The following NAV3 variants were observed in gnomAD, a reference collection of about 807,000 sequenced individuals.
NAV3 encodes pore membrane and/or filament interacting like protein 1.
NAV3 carries 87 observed loss-of-function variants against 244.7 expected under a neutral mutation model. The ratio of observed to expected loss-of-function variants is 0.36; its 90% CI spans 0.30 to 0.42. The LOEUF is 0.42. NAV3 is among the 20% of genes least tolerant of loss of function. NAV3 has a pLI of 1.00. For synonymous variants in NAV3, 1,126 were observed against 1,042.2 expected (o/e 1.08, Z -1.55); for missense variants, 2,663 against 2,893.3 (o/e 0.92, Z 1.83).
intron 9 of NAV3, chr12:78,036,601 G>A (rs1879925839): frequency 3.2e-6 from 1 of 309,462 alleles, no homozygotes; most frequent in African/African-American, 2.1e-5. Flanking sequence ...TCAGCTGGAG[G>A]AGAGTCTTTG....
chr12:77,979,704 A>AAG (rs1869188943), intron 5 of NAV3, among the ~76,000 whole-genome samples: 4 of 129,204 alleles, frequency 3.1e-5, no homozygotes, highest in African/African-American at 1.3e-4. Context: ...GAAACGAAAA[A>AAG]AAAAAAAGAA....
chr12:77,932,871 A>G (rs1342169370), intron 1 of NAV3, among the ~76,000 whole-genome samples: 1 of 152,118 alleles, frequency 6.6e-6, no homozygotes, highest in Non-Finnish European at 1.5e-5. Flanking sequence ...GCCAAATAGA[A>G]CTATACAAAA....
At chr12:78,177,913 A>G (rs2139686458) in intron 28 of NAV3, among the ~76,000 whole-genome samples, 1 of 110,120 alleles carries the variant, frequency 9.1e-6, no homozygotes, top group Non-Finnish European at 2.4e-5. Context: ...ACTTTTTGGT[A>G]GTACAGTAGC....
chr12:78,095,075 A>ATATATATATATATATATT (rs1566123706), intron 12 of NAV3, among the ~76,000 whole-genome samples: 1 of 146,940 alleles, frequency 6.8e-6, no homozygotes, highest in Non-Finnish European at 1.5e-5. Flanking sequence ...ACACACACAC[A>ATATATATATATATATATT]CACACACACA....
At chr12:77,615,903 T>C (rs1871127197) in intron 2 of NAV3, among the ~76,000 whole-genome samples, 1 of 152,174 alleles carries the variant, frequency 6.6e-6, no homozygotes, top group Admixed American at 6.6e-5. Context: ...AAATGAGTTA[T>C]CCATTTGTAC....
chr12:77,749,684 C>CT (rs1414455917), intron 2 of NAV3, among the ~76,000 whole-genome samples: 1 of 151,836 alleles, frequency 6.6e-6, no homozygotes, highest in Non-Finnish European at 1.5e-5. Context: ...AAATAAAAAC[C>CT]TTAGGCATAA....
At chr12:77,968,136 T>C (rs960083976) in intron 4 of NAV3, among the ~76,000 whole-genome samples, 2 of 152,216 alleles carry the variant, frequency 1.3e-5, no homozygotes, top group South Asian at 4.1e-4. Context: ...TCGTAGCCAC[T>C]GCTATGCTGG....
At chr12:77,761,694 C>G (rs1179504376) in intron 2 of NAV3, among the ~76,000 whole-genome samples, 1 of 152,166 alleles carries the variant, frequency 6.6e-6, no homozygotes, top group Non-Finnish European at 1.5e-5. Context: ...CATCACTGGT[C>G]ATTAGAGAAA....
intron 5 of NAV3, among the ~76,000 whole-genome samples, chr12:77,986,047 G>A (rs1391561058): frequency 1.3e-5 from 2 of 152,036 alleles, no homozygotes; most frequent in Non-Finnish European, 1.5e-5. Context: ...TTCTCACTTG[G>A]AAAAAAACTA....
chr12:78,154,252 A>ACT (rs1957191558), intron 22 of NAV3, among the ~76,000 whole-genome samples: 2 of 111,716 alleles, frequency 1.8e-5, no homozygotes, highest in South Asian at 5.1e-4. Context: ...TTTATATATT[A>ACT]CTATATAATA....
intron 2 of NAV3, among the ~76,000 whole-genome samples, chr12:77,714,349 G>A (rs766252057): frequency 6.6e-5 from 10 of 152,038 alleles, no homozygotes; most frequent in Non-Finnish European, 1.0e-4. Flanking sequence ...TTTTTTTATT[G>A]TTGTTGTTTC....
At chr12:77,833,617 T>C (rs1874100039) in intron 1 of NAV3, among the ~76,000 whole-genome samples, 1 of 152,206 alleles carries the variant, frequency 6.6e-6, no homozygotes, top group Non-Finnish European at 1.5e-5. Flanking sequence ...TTTTGCAGTA[T>C]GAAGGTGGCT....
chr12:77,808,661 C>T (rs542680699), intron 2 of NAV3, among the ~76,000 whole-genome samples: 47 of 152,346 alleles, frequency 3.1e-4, no homozygotes, highest in Middle Eastern at 3.4e-3. Flanking sequence ...ATCAGGGACC[C>T]ACTTGAGGAG....
At chr12:77,956,556 A>C (rs889596676) in intron 3 of NAV3, among the ~76,000 whole-genome samples, 1 of 152,170 alleles carries the variant, frequency 6.6e-6, no homozygotes, top group Non-Finnish European at 1.5e-5. Flanking sequence ...TGGGCAACAC[A>C]GTGTTTTAAA....
intron 1 of NAV3, among the ~76,000 whole-genome samples, chr12:77,850,338 G>A (rs752985763): frequency 1.3e-5 from 2 of 152,170 alleles, no homozygotes; most frequent in Non-Finnish European, 2.9e-5. Context: ...CAAGGGTGAT[G>A]TATGATATGG....
At chr12:77,905,633 A>T (rs1885886731) in intron 1 of NAV3, among the ~76,000 whole-genome samples, 1 of 151,936 alleles carries the variant, frequency 6.6e-6, no homozygotes. Flanking sequence ...TCTGTATTTT[A>T]TGTCTAAATT....
At chr12:78,141,955 A>G (rs764558686) in intron 20 of NAV3, among the ~76,000 whole-genome samples, 2 of 152,158 alleles carry the variant, frequency 1.3e-5, no homozygotes, top group Non-Finnish European at 2.9e-5. Context: ...AGCTACCTTC[A>G]TGAAACCTAA....
At chr12:77,635,973 C>A (rs948961558) in intron 2 of NAV3, among the ~76,000 whole-genome samples, 10 of 152,160 alleles carry the variant, frequency 6.6e-5, no homozygotes, top group African/African-American at 2.2e-4. Flanking sequence ...ATTAATTTTT[C>A]TTTAAAAACA....
At chr12:77,824,731 A>G (rs970863242) in intron 2 of NAV3, among the ~76,000 whole-genome samples, 1 of 151,972 alleles carries the variant, frequency 6.6e-6, no homozygotes, top group African/African-American at 2.4e-5. Flanking sequence ...TGTATCTACT[A>G]AAAACACAAA....
Sources: gnomAD v4.1 joint callset for allele counts (sites outside exome capture counted in the v4.1 genomes callset) on GRCh38, gnomAD v4.1.1 for gene constraint, MANE v1.5 for transcripts, NCBI Gene and HGNC (gene_info 2026-07-23, HGNC 2026-07-21) for gene names.